Variants in TNFSF10 observed in about 807,000 individuals in gnomAD.
The protein encoded by TNFSF10 is TNF superfamily member 10.
Under a neutral mutation model 29.5 loss-of-function variants are expected in TNFSF10, and 13 were observed. The ratio of observed to expected loss-of-function variants is 0.44; its 90% CI spans 0.29 to 0.70. The LOEUF (loss-of-function observed/expected upper bound fraction) is 0.70, where lower values mean the gene tolerates loss of function less well. TNFSF10 is among the 30% of genes least tolerant of loss of function. The probability of loss-of-function intolerance (pLI) is 0.13; values close to 1 mark genes in which losing one functional copy is unlikely to be tolerated. For missense variants in TNFSF10, 345 were observed against 330.9 expected, an observed-to-expected ratio of 1.04 and a Z score of -0.33; for synonymous variants, 111 against 112.8, an observed-to-expected ratio of 0.98 and a Z score of 0.10.
intron 1 of TNFSF10, among the ~76,000 whole-genome samples, chr3:172,522,022 C>T (rs1273773987): frequency 6.6e-6 from 1 of 151,772 alleles, no homozygotes; most frequent in South Asian, 2.1e-4. Context: ...GGGAGGGCAA[C>T]ACACACACTG....
chr3:172,512,758 C>T (rs1446845859), intron 2 of TNFSF10, among the ~76,000 whole-genome samples: 1 of 152,148 alleles, frequency 6.6e-6, no homozygotes, highest in Non-Finnish European at 1.5e-5. Flanking sequence ...GGGGAAGCAA[C>T]AGGAAAAAGA....
intron 1 of TNFSF10, among the ~76,000 whole-genome samples, chr3:172,520,321 G>T (rs1490190454): frequency 1.3e-5 from 2 of 152,138 alleles, no homozygotes; most frequent in African/African-American, 4.8e-5. Flanking sequence ...CTTTTCAATT[G>T]TTTTATCATG....
chr3:172,516,699 C>T (rs1713450954), intron 1 of TNFSF10, among the ~76,000 whole-genome samples: 2 of 152,196 alleles, frequency 1.3e-5, no homozygotes, highest in African/African-American at 4.8e-5. Context: ...TGAGATATGA[C>T]TGGCCATGGA....
At chr3:172,509,158 T>C in intron 4 of TNFSF10, 59 bp downstream of exon 4, 2 of 1,410,708 alleles carry the variant, frequency 1.4e-6, no homozygotes, top group East Asian at 2.3e-5. Context: ...AAAAATAAGT[T>C]ACTTGGCACA....
At chr3:172,509,366 T>A (rs1449407725) in intron 3 of TNFSF10, 45 bp from the exon 4 acceptor site, 14 of 1,496,202 alleles carry the variant, frequency 9.4e-6, no homozygotes, top group Non-Finnish European at 1.3e-5. Flanking sequence ...GCCAAACTAG[T>A]TCTCCAATAC....
intron 1 of TNFSF10, chr3:172,518,152 A>T: frequency 9.3e-7 from 1 of 1,077,982 alleles, no homozygotes; most frequent in Non-Finnish European, 1.1e-6. Context: ...TATATTCTCT[A>T]ACTAACCACA....
chr3:172,519,565 T>C (rs936383843), intron 1 of TNFSF10, among the ~76,000 whole-genome samples: 40 of 152,330 alleles, frequency 2.6e-4, no homozygotes, highest in African/African-American at 8.2e-4. Context: ...GCTAAAGGTA[T>C]GATTACAGTT....
intron 1 of TNFSF10, chr3:172,518,427 C>T (rs1464985838): frequency 7.8e-7 from 1 of 1,289,254 alleles, no homozygotes; most frequent in Non-Finnish European, 1.0e-6. Flanking sequence ...ACCCTGTCTG[C>T]TGCCCAGACA....
intron 1 of TNFSF10, among the ~76,000 whole-genome samples, chr3:172,516,371 A>G (rs1713439257): frequency 6.6e-6 from 1 of 152,128 alleles, no homozygotes; most frequent in Non-Finnish European, 1.5e-5. Flanking sequence ...TGAAGGGAGG[A>G]TCAAATTGAA....
chr3:172,506,929 A>T lies in TNFSF10; in HGVS notation c.419-10T>A. 1.3e-6 allele frequency: 2 copies of T among 1,573,664 alleles called. No individual in the cohort carries two copies. Among genetic ancestry groups the T allele is most frequent in the Non-Finnish European group, 1.7e-6 (2 of 1,163,024 alleles). On this transcript the variant is annotated splice_polypyrimidine_tract_variant and intron_variant, in intron 4 of 4. Coordinates refer to ENST00000241261, the MANE Select transcript of TNFSF10 (RefSeq NM_003810.4). ...TTTTCATTCTTGGAGTCTGTAGGAA[A>T]TTTAGAGAGAAAGAGCGTTAACAGA...
chr3:172,518,344 T>C, intron 1 of TNFSF10: 2 of 1,271,956 alleles, frequency 1.6e-6, no homozygotes, highest in South Asian at 2.6e-5. Flanking sequence ...TAGGCCAGGG[T>C]CAACCAGTCC....
rs371307312 is a variant in TNFSF10, at chr3:172,508,571, G to A, written c.418+646C>T. Among the ~76,000 whole-genome samples the A allele has an allele frequency of 9.2e-5, 14 of 152,182 alleles. No individual in the cohort carries two copies. The East Asian group carries it at 1.9e-3, about 21-fold the overall frequency. On this transcript the variant is annotated intron_variant, in intron 4 of 4. Coordinates refer to ENST00000241261, the MANE Select transcript of TNFSF10 (RefSeq NM_003810.4). ...ATTTGATGGCGAGCAAAGAAGAGAAGTGCAGAGGGATGGAAGAAGTAATCA... is the reference window on the plus strand; with the variant it reads ...ATTTGATGGCGAGCAAAGAAGAGAAATGCAGAGGGATGGAAGAAGTAATCA...
chr3:172,516,819 T>A (rs904838751), intron 1 of TNFSF10, among the ~76,000 whole-genome samples: 6 of 152,116 alleles, frequency 3.9e-5, no homozygotes, highest in Non-Finnish European at 8.8e-5. Flanking sequence ...CAGTCACATA[T>A]GATTCAGAAA....
In TNFSF10 at chr3:172,509,253, C is replaced by A. The variant is rs765369834; in HGVS notation, c.382G>T (p.Gly128Trp). ...GPQRVAAHITGTRGRSNTLSS... is the reference protein window; with the variant it reads ...GPQRVAAHITWTRGRSNTLSS... ...AATGTGTTGCTTCTTCCTCTGGTCC[C>A]AGTTATGTGAGCTGCTACTCTCTGA... The change falls in exon 4 of 5, where the codon GGG becomes TGG. Residue 128 changes from glycine to tryptophan, a missense_variant. Physicochemically the swap from Gly to Trp is radical, Grantham distance 184. Coordinates refer to ENST00000241261, the MANE Select transcript of TNFSF10 (RefSeq NM_003810.4). The A allele has an allele frequency of 6.2e-7, 1 of 1,613,838 alleles. No individual in the cohort carries two copies. The highest frequency in any genetic ancestry group is 8.5e-7 in the Non-Finnish European group (1 of 1,179,876).
rs200301971 is a variant in TNFSF10 at position 172,506,766 on chromosome 3, C to T, written c.572G>A (p.Arg191Gln). The change falls in exon 5 of 5, where the codon CGA becomes CAA. Residue 191 changes from arginine (R) to glutamine (Q), a missense_variant. Physicochemically the swap from Arg to Gln is conservative, Grantham distance 43. Coordinates refer to ENST00000241261, the MANE Select transcript of TNFSF10 (RefSeq NM_003810.4). ...FYYIYSQTYF[R>Q]FQEEIKENTK... The stretch of plus-strand genomic sequence containing the variant: ...GTTTTCTTTTATTTCCTCCTGAAAT[C>T]GAAAGTATGTTTGGGAATAGATGTA... 19 of 1,614,090 alleles carry T rather than the reference C, an allele frequency of 1.2e-5. No homozygotes were observed. The highest frequency in any genetic ancestry group is 1.7e-5 in the Admixed American group (1 of 59,994).
rs559024735 is a variant in TNFSF10 at position 172,515,774 on chromosome 3, C to A, written c.133-776G>T. On this transcript the variant is annotated intron_variant, in intron 1 of 4. Coordinates refer to ENST00000241261, the MANE Select transcript of TNFSF10 (RefSeq NM_003810.4). ...TGATGTTATAAACACACACACACAC[C>A]CACACACACCCCATCCCAAACCACC... Among the ~76,000 whole-genome samples the A allele has an allele frequency of 1.5e-4, 23 of 151,908 alleles. 1 individual carries two copies. In the East Asian group the frequency reaches 4.3e-3, roughly 28 times the overall value.
chr3:172,519,733 C>G (rs1241898684), intron 1 of TNFSF10, among the ~76,000 whole-genome samples: 1 of 152,214 alleles, frequency 6.6e-6, no homozygotes, highest in Non-Finnish European at 1.5e-5. Context: ...AAATTTCCGA[C>G]TGATTGGGAT....
At chr3:172,520,947 T>C (rs1038560826) in intron 1 of TNFSF10, among the ~76,000 whole-genome samples, 2 of 152,110 alleles carry the variant, frequency 1.3e-5, no homozygotes, top group Non-Finnish European at 2.9e-5. Flanking sequence ...AAACAAGCAA[T>C]GGGGAAAGGA....
chr3:172,511,027 C>T (rs749589023), intron 3 of TNFSF10, among the ~76,000 whole-genome samples: 5 of 152,072 alleles, frequency 3.3e-5, no homozygotes, highest in Non-Finnish European at 7.4e-5. Context: ...CGATGGAGTG[C>T]CAGATGGAAA....
Sources: gnomAD v4.1 joint callset for allele counts (sites outside exome capture counted in the v4.1 genomes callset) on GRCh38, gnomAD v4.1.1 for gene constraint, MANE v1.5 for transcripts, NCBI Gene and HGNC (gene_info 2026-07-23, HGNC 2026-07-21) for gene names.